Variants in MCTP1 observed in about 807,000 individuals in gnomAD.
MCTP1 encodes the protein multiple C2 and transmembrane domain containing 1.
Under a neutral mutation model 120.6 loss-of-function variants are expected in MCTP1, and 69 were observed. That is an observed-to-expected ratio of 0.57 (90% confidence interval 0.47 to 0.70). The LOEUF (loss-of-function observed/expected upper bound fraction) is 0.70. MCTP1 is among the 30% of genes least tolerant of loss of function. The pLI is 0.00. For missense variants in MCTP1, 1,203 were observed against 1,248.8 expected (o/e 0.96, Z 0.55); for synonymous variants, 529 against 493.1 (o/e 1.07, Z -0.96).
chr5:95,156,367 T>C (rs565883437), intron 1 of MCTP1, among the ~76,000 whole-genome samples: 4 of 152,346 alleles, frequency 2.6e-5, no homozygotes, highest in African/African-American at 9.6e-5. Context: ...TGATCTGAAC[T>C]GCAAAGTGAA....
intron 1 of MCTP1, among the ~76,000 whole-genome samples, chr5:95,046,391 C>CT (rs1843150805): frequency 6.6e-6 from 1 of 152,156 alleles, no homozygotes; most frequent in Non-Finnish European, 1.5e-5. Context: ...TGCAATACCT[C>CT]TAGAGATAGA....
chr5:94,872,258 C>A (rs957468565), intron 13 of MCTP1, among the ~76,000 whole-genome samples: 1 of 152,006 alleles, frequency 6.6e-6, no homozygotes, highest in Non-Finnish European at 1.5e-5. Context: ...TGATAATAAT[C>A]AAACCTATTC....
At chr5:95,054,462 C>A (rs1746827191) in intron 1 of MCTP1, among the ~76,000 whole-genome samples, 1 of 152,188 alleles carries the variant, frequency 6.6e-6, no homozygotes, top group Non-Finnish European at 1.5e-5. Context: ...AATTAAAAAT[C>A]TCTCCAGTTC....
chr5:94,883,494 T>C (rs570501353), intron 12 of MCTP1, among the ~76,000 whole-genome samples: 1 of 152,352 alleles, frequency 6.6e-6, no homozygotes, highest in African/African-American at 2.4e-5. Flanking sequence ...TAAGAAACTA[T>C]GACTATTTGC....
chr5:95,191,197 T>A (rs1034547390), intron 1 of MCTP1, among the ~76,000 whole-genome samples: 1 of 151,990 alleles, frequency 6.6e-6, no homozygotes, highest in Non-Finnish European at 1.5e-5. Context: ...GGAACTCTCT[T>A]CAAGTATCTG....
At chr5:94,995,709 C>T (rs1030318113) in intron 2 of MCTP1, among the ~76,000 whole-genome samples, 1 of 152,120 alleles carries the variant, frequency 6.6e-6, no homozygotes, top group Admixed American at 6.6e-5. Context: ...TATAGTCTCT[C>T]AAATGGAATA....
intron 1 of MCTP1, among the ~76,000 whole-genome samples, chr5:95,250,143 AC>A (rs1757240594): frequency 6.6e-6 from 1 of 150,382 alleles, no homozygotes; most frequent in South Asian, 2.1e-4. Context: ...GTACCCTAGA[AC>A]TTAAAAGTAT....
intron 1 of MCTP1, among the ~76,000 whole-genome samples, chr5:95,250,157 T>TA (rs139955421): frequency 6.6e-5 from 10 of 151,896 alleles, no homozygotes; most frequent in Admixed American, 1.3e-4. Flanking sequence ...AAAAGTATAA[T>TA]AAAAAAATAA....
At chr5:94,820,020 A>ATG (rs1442275178) in intron 17 of MCTP1, among the ~76,000 whole-genome samples, 1 of 152,168 alleles carries the variant, frequency 6.6e-6, no homozygotes, top group African/African-American at 2.4e-5. Flanking sequence ...ATAAAACCAG[A>ATG]TGTGTTCTAC....
intron 17 of MCTP1, among the ~76,000 whole-genome samples, chr5:94,803,652 T>G (rs1412713791): frequency 6.6e-6 from 1 of 152,224 alleles, no homozygotes; most frequent in Non-Finnish European, 1.5e-5. Context: ...TTTTTGGCCC[T>G]TCTAGCAGCT....
intron 1 of MCTP1, among the ~76,000 whole-genome samples, chr5:95,250,705 A>C (rs1318712644): frequency 6.6e-6 from 1 of 152,218 alleles, no homozygotes; most frequent in Non-Finnish European, 1.5e-5. Context: ...AGAATAACTT[A>C]TGTGAAATGC....
At chr5:94,827,445 T>A (rs1787409282) in intron 17 of MCTP1, among the ~76,000 whole-genome samples, 1 of 152,162 alleles carries the variant, frequency 6.6e-6, no homozygotes, top group South Asian at 2.1e-4. Flanking sequence ...CAATTATGTG[T>A]CTTGGGGTTG....
At chr5:95,114,434 G>T (rs1757672889) in intron 1 of MCTP1, among the ~76,000 whole-genome samples, 1 of 152,174 alleles carries the variant, frequency 6.6e-6, no homozygotes, top group Admixed American at 6.5e-5. Context: ...GCCCTGAAGG[G>T]TGAGTAGCAG....
chr5:95,102,634 C>A (rs1248737390), intron 1 of MCTP1, among the ~76,000 whole-genome samples: 1 of 152,048 alleles, frequency 6.6e-6, no homozygotes, highest in Non-Finnish European at 1.5e-5. Context: ...ATCAAAGAAC[C>A]CAGGGACTAG....
At chr5:95,177,342 T>C (rs1359709100) in intron 1 of MCTP1, among the ~76,000 whole-genome samples, 1 of 152,140 alleles carries the variant, frequency 6.6e-6, no homozygotes, top group Non-Finnish European at 1.5e-5. Flanking sequence ...ATAAATTGTA[T>C]GATCTCCGGT....
rs1767984013 is a variant in MCTP1 at position 94,750,297 on chromosome 5, G to A, written c.2610+28813C>T. ...TTGTCATGTTATTGACGTACAGGGG[G>A]AAGCATTATTTTCTCAATGGTTCAA... On this transcript the variant is annotated intron_variant, in intron 19 of 22. Coordinates refer to ENST00000515393, the MANE Select transcript of MCTP1 (RefSeq NM_024717.7). 2.0e-5 allele frequency among the ~76,000 whole-genome samples: 3 copies of A among 152,212 alleles called. 1 individual carries two copies. The South Asian group carries it at 6.2e-4, about 32-fold the overall frequency.
At chr5:94,711,727 CA>C (rs11380194) in intron 20 of MCTP1, among the ~76,000 whole-genome samples, 58 of 131,884 alleles carry the variant, frequency 4.4e-4, no homozygotes, top group East Asian at 1.8e-3. Flanking sequence ...GTAGAAGTTA[CA>C]AAAAAAAAAA....
intron 1 of MCTP1, among the ~76,000 whole-genome samples, chr5:95,218,882 A>T (rs542015775): frequency 2.0e-5 from 3 of 152,272 alleles, no homozygotes; most frequent in African/African-American, 7.2e-5. Context: ...GTGTATCTAA[A>T]CATATCTAAA....
chr5:95,127,360 A>G (rs1238924287), intron 1 of MCTP1, among the ~76,000 whole-genome samples: 1 of 152,170 alleles, frequency 6.6e-6, no homozygotes, highest in Non-Finnish European at 1.5e-5. Context: ...GACCTTCTAC[A>G]ACTAAGGCAC....
Sources: allele counts gnomAD v4.1 joint callset (sites outside exome capture counted in the v4.1 genomes callset), GRCh38; gene constraint gnomAD v4.1.1; transcripts MANE v1.5; gene names NCBI Gene and HGNC (gene_info 2026-07-23, HGNC 2026-07-21).